The following TTC28 variants were observed in gnomAD, a reference collection of about 807,000 sequenced individuals.
TTC28 encodes the protein tetratricopeptide repeat protein 28.
Under a neutral mutation model 198.0 loss-of-function variants are expected in TTC28, and 61 were observed. The observed-to-expected ratio is 0.31, with a 90% CI of 0.25 to 0.38. TTC28 has a LOEUF of 0.38. Among genes scored for constraint, TTC28 ranks in the 10% least tolerant of loss-of-function variants. The pLI, the probability that TTC28 is intolerant of heterozygous loss-of-function variation, is 1.00. For missense variants in TTC28, 2,678 were observed against 3,164.0 expected (o/e 0.85, Z 3.69); for synonymous variants, 1,171 against 1,297.8 (o/e 0.90, Z 2.10).
intron 2 of TTC28, among the ~76,000 whole-genome samples, chr22:28,426,088 T>C (rs1448737411): frequency 6.6e-6 from 1 of 151,902 alleles, no homozygotes. Context: ...GTGTGTGCCC[T>C]GTAGTCCCAG....
At chr22:28,293,870 ACAGGAGGAACAACT>A (rs2044838156) in intron 5 of TTC28, among the ~76,000 whole-genome samples, 1 of 152,166 alleles carries the variant, frequency 6.6e-6, no homozygotes. Context: ...CATGGGCTAA[ACAGGAGGAACAACT>A]CAGGAGGCCT....
At chr22:28,319,924 T>C (rs2145844927) in intron 2 of TTC28, among the ~76,000 whole-genome samples, 1 of 152,320 alleles carries the variant, frequency 6.6e-6, no homozygotes, top group South Asian at 2.1e-4. Context: ...GACTGCTTTC[T>C]GGAAGGAGTA....
intron 12 of TTC28, among the ~76,000 whole-genome samples, chr22:28,055,287 T>C (rs969393412): frequency 2.0e-5 from 3 of 152,170 alleles, no homozygotes; most frequent in Non-Finnish European, 4.4e-5. Flanking sequence ...TACTCAAAGC[T>C]ACACTCTGAG....
intron 6 of TTC28, among the ~76,000 whole-genome samples, chr22:28,113,817 T>C (rs1246881844): frequency 1.3e-5 from 2 of 152,244 alleles, no homozygotes; most frequent in Non-Finnish European, 2.9e-5. Flanking sequence ...TTCTCCTGTG[T>C]GTTCATGAAC....
At chr22:28,093,964 G>T in intron 12 of TTC28, 116 bp downstream of exon 12, 2 of 1,099,378 alleles carry the variant, frequency 1.8e-6, no homozygotes, top group Non-Finnish European at 1.3e-6. Context: ...TGAACAGACT[G>T]AGCGCAACTA....
chr22:28,191,511 A>AC (rs1309444978), intron 5 of TTC28, among the ~76,000 whole-genome samples: 1 of 152,260 alleles, frequency 6.6e-6, no homozygotes, highest in Non-Finnish European at 1.5e-5. Context: ...CCCGGGAAGC[A>AC]CAAGGGGTCA....
intron 5 of TTC28, among the ~76,000 whole-genome samples, chr22:28,271,299 T>A (rs1475932724): frequency 6.6e-6 from 1 of 152,180 alleles, no homozygotes; most frequent in East Asian, 1.9e-4. Context: ...CAATCGTATA[T>A]ACTGTACCTT....
intron 2 of TTC28, among the ~76,000 whole-genome samples, chr22:28,577,126 A>AT (rs1158456949): frequency 5.3e-5 from 8 of 152,002 alleles, no homozygotes; most frequent in Non-Finnish European, 1.0e-4. Flanking sequence ...GTTTCCTCTT[A>AT]TTACTGCTTT....
chr22:28,261,159 A>G (rs1211975128), intron 5 of TTC28, among the ~76,000 whole-genome samples: 1 of 152,138 alleles, frequency 6.6e-6, no homozygotes, highest in Non-Finnish European at 1.5e-5. Flanking sequence ...AGCTCATTCA[A>G]CAAAGTTATA....
chr22:28,267,107 C>T (rs1931732164), intron 5 of TTC28, among the ~76,000 whole-genome samples: 1 of 152,084 alleles, frequency 6.6e-6, no homozygotes, highest in South Asian at 2.1e-4. Flanking sequence ...AACTGAGTAA[C>T]AGTTGATCTC....
intron 1 of TTC28, among the ~76,000 whole-genome samples, chr22:28,650,955 G>T (rs932779134): frequency 1.1e-4 from 16 of 152,184 alleles, no homozygotes; most frequent in Admixed American, 2.0e-4. Context: ...CTAGCCTGCT[G>T]CCTGTTTTTG....
At position 27,992,448 on chromosome 22, in the gene TTC28, G is replaced by A. The variant is rs1317440280; in HGVS notation, c.5553+139C>T. On this transcript the variant is annotated intron_variant, in intron 19 of 22. Transcript: ENST00000397906. ...CAGGCAGGGCTATTCTCTTACTCCC[G>A]GCCCTCACCTTCTCCTTTGAATCAC... is the stretch of plus-strand genomic sequence containing the variant. 7.0e-5 allele frequency: 60 copies of A among 860,618 alleles called. 3 individuals are homozygous for A. The South Asian group carries it at 1.0e-3, about 15-fold the overall frequency. The allele number at this position is 860,618 out of a possible 1,614,324, so 53.3% of individuals were successfully genotyped here.
At chr22:27,989,766 T>C in intron 21 of TTC28, 112 bp downstream of exon 21, 1 of 1,368,860 alleles carries the variant, frequency 7.3e-7, no homozygotes, top group Non-Finnish European at 9.8e-7. Context: ...TGTTTTAAGA[T>C]AATATTTTAA....
intron 5 of TTC28, among the ~76,000 whole-genome samples, chr22:28,228,598 G>A (rs1261975287): frequency 6.6e-6 from 1 of 152,086 alleles, no homozygotes; most frequent in African/African-American, 2.4e-5. Flanking sequence ...TACCCAGGAG[G>A]CTGAGGCAGG....
intron 5 of TTC28, among the ~76,000 whole-genome samples, chr22:28,254,918 C>T (rs1930787887): frequency 6.6e-6 from 1 of 152,172 alleles, no homozygotes; most frequent in South Asian, 2.1e-4. Context: ...CACAAGAAAC[C>T]TTGTCATCTG....
intron 2 of TTC28, among the ~76,000 whole-genome samples, chr22:28,381,604 A>T (rs1395789799): frequency 6.6e-6 from 1 of 152,152 alleles, no homozygotes; most frequent in Non-Finnish European, 1.5e-5. Context: ...CACTGCTCGC[A>T]AGTAACTGCA....
At chr22:28,488,918 A>AC (rs2048342550) in intron 2 of TTC28, among the ~76,000 whole-genome samples, 1 of 152,162 alleles carries the variant, frequency 6.6e-6, no homozygotes, top group African/African-American at 2.4e-5. Context: ...AAAAAACGAA[A>AC]CCCCAACAGA....
intron 5 of TTC28, among the ~76,000 whole-genome samples, chr22:28,197,187 C>T (rs1279262621): frequency 5.4e-5 from 8 of 147,260 alleles, no homozygotes; most frequent in Non-Finnish European, 1.0e-4. Context: ...AACCAAACAC[C>T]GCATGTTCTC....
At chr22:27,997,237 G>C (rs1019481325) in intron 16 of TTC28, among the ~76,000 whole-genome samples, 1 of 152,248 alleles carries the variant, frequency 6.6e-6, no homozygotes, top group Admixed American at 6.5e-5. Flanking sequence ...AGAACCAAGG[G>C]ACGGCCGTGA....
Sources: allele counts gnomAD v4.1 joint callset (sites outside exome capture counted in the v4.1 genomes callset), GRCh38; gene constraint gnomAD v4.1.1; transcripts MANE v1.5; gene names NCBI Gene and HGNC (gene_info 2026-07-23, HGNC 2026-07-21).